PROB1: variants seen among roughly 807,000 people sequenced by gnomAD.
The protein encoded by PROB1 is proline rich basic protein 1.
For synonymous variants in PROB1, 660 were observed against 699.3 expected, an observed-to-expected ratio of 0.94 and a Z score of 0.89; for missense variants, 1,453 against 1,485.7, an observed-to-expected ratio of 0.98 and a Z score of 0.36.
rs1202763213 is a variant in PROB1, at chr5:139,394,813, C to T, written c.269G>A (p.Arg90Gln). Residue 90 changes from arginine to glutamine, a missense_variant, in exon 1 of 1, where the codon CGA becomes CAA. Transcript: ENST00000434752. ...QRHGPGSGFP[R>Q]GPGSGPRPPQ... ...TGGCCGTGGGCCGGAACCTGGGCCT[C>T]GCGGGAAACCCGAGCCGGGCCCGTG... 1 of 1,528,440 alleles carries T rather than the reference C, an allele frequency of 6.5e-7. No homozygotes were observed. Among genetic ancestry groups the T allele is most frequent in the South Asian group, 1.2e-5 (1 of 82,400 alleles). 94.7% of individuals were successfully genotyped at this position (1,528,440 alleles called of 1,614,324 possible). A position where few individuals can be genotyped will look rare whatever the true frequency, so the allele number is the denominator to read the frequency against.
chr5:139,394,277 C>T lies in PROB1; in HGVS notation c.805G>A (p.Ala269Thr), dbSNP rs1041236372. Residue 269 changes from alanine to threonine, a missense_variant, in exon 1 of 1, where the codon GCC becomes ACC. By Grantham distance (58) the Ala-to-Thr change is moderately conservative. Transcript: ENST00000434752. ...LSPEAPAPSS[A>T]TFGSTGRSEP... is the part of the protein sequence containing the mutation. ...GACCGCCCCGTGGACCCGAAGGTGG[C>T]GCTGCTCGGGGCCGGGGCCTCGGGG... 2.6e-6 allele frequency: 4 copies of T among 1,540,142 alleles called. No homozygotes were observed. In the African/African-American group the frequency reaches 5.5e-5, roughly 21 times the overall value.
At position 139,394,612 on chromosome 5, in the gene PROB1, T is replaced by G; in HGVS notation, c.470A>C (p.Gln157Pro). The G allele has an allele frequency of 6.5e-7, 1 of 1,533,096 alleles. No homozygotes were observed. Among genetic ancestry groups the G allele is most frequent in the African/African-American group, 1.4e-5 (1 of 72,118 alleles). The allele number at this position is 1,533,096 out of a possible 1,614,324, so 95.0% of individuals were successfully genotyped here. A position where few individuals can be genotyped will look rare whatever the true frequency, so the allele number is the denominator to read the frequency against. Residue 157 changes from glutamine (Q) to proline (P), a missense_variant, in exon 1 of 1, where the codon CAG (glutamine) becomes CCG (proline). Transcript: ENST00000434752. The part of the protein sequence containing the change: ...GPASPAAVPR[Q>P]SQVPDGGSRW... ...GGAGCCACCATCGGGGACCTGGGAC[T>G]GGCGTGGGACCGCGGCGGGAGACGC...
In PROB1 at chr5:139,392,136, C is replaced by T. The variant is rs1179109353; in HGVS notation, c.2946G>A (p.Pro982=). The change falls in exon 1 of 1, where the codon CCG becomes CCA. Residue 982 remains proline, a synonymous_variant. Coordinates refer to ENST00000434752, the MANE Select transcript of PROB1 (RefSeq NM_001161546.2). This position sits in a 1 kb window ranked among gnomAD's most constrained non-coding sequence, Gnocchi z 5.8. ...AGPLDGTYYL[P]VSGTPNPAPP... Reference sequence around the variant, plus strand: ...GTGCGGGGTTGGGGGTCCCGCTCACCGGCAGGTAGTAGGTCCCGTCCAGGG... The same window carrying T: ...GTGCGGGGTTGGGGGTCCCGCTCACTGGCAGGTAGTAGGTCCCGTCCAGGG... 1.4e-6 allele frequency: 2 copies of T among 1,408,280 alleles called. No individual in the cohort carries two copies. Among genetic ancestry groups the T allele is most frequent in the Non-Finnish European group, 1.9e-6 (2 of 1,076,436 alleles). 87.2% of individuals were successfully genotyped at this position (1,408,280 alleles called of 1,614,324 possible).
rs920068686 is a variant in PROB1 at position 139,391,806 on chromosome 5, G to A, written c.*228C>T. On this transcript the variant is annotated 3_prime_UTR_variant, in exon 1 of 1. Coordinates refer to ENST00000434752, the MANE Select transcript of PROB1 (RefSeq NM_001161546.2). This position sits in a 1 kb window ranked among gnomAD's most constrained non-coding sequence, Gnocchi z 4.8. ...CCACGCCCTGGGAATGCCTGGGAAA[G>A]GGATACATAATTTTGTTGGGGGAGG... 2 of 409,362 alleles carry A rather than the reference G, an allele frequency of 4.9e-6. No homozygotes were observed. Among genetic ancestry groups the A allele is most frequent in the Admixed American group, 4.3e-5 (1 of 23,122 alleles). The allele number at this position is 409,362 out of a possible 1,614,324, so 25.4% of individuals were successfully genotyped here.
At position 139,394,648 on chromosome 5, in the gene PROB1, G is replaced by A. The variant is rs1006776469; in HGVS notation, c.434C>T (p.Pro145Leu). Residue 145 changes from proline (P) to leucine (L), a missense_variant, in exon 1 of 1, where the codon CCG (proline) becomes CTG (leucine). Transcript: ENST00000434752. ...CGCGGCGGGAGACGCTGGCCCCGGCGGCAAGGGGCTGATGAAGGCCGGCTC... is the reference window on the plus strand; with the variant it reads ...CGCGGCGGGAGACGCTGGCCCCGGCAGCAAGGGGCTGATGAAGGCCGGCTC... ...FTEPAFISPL[P>L]PGPASPAAVP... is the part of the protein sequence containing the mutation. 5.9e-6 allele frequency: 9 copies of A among 1,534,828 alleles called. No homozygotes were observed. The East Asian group carries it at 2.0e-4, about 34-fold the overall frequency.
chr5:139,394,405 G>A lies in PROB1; in HGVS notation c.677C>T (p.Pro226Leu). The A allele has an allele frequency of 1.4e-6, 2 of 1,389,688 alleles. No individual in the cohort carries two copies. The highest frequency in any genetic ancestry group is 1.9e-6 in the Non-Finnish European group (2 of 1,080,140). The allele number at this position is 1,389,688 out of a possible 1,614,324, so 86.1% of individuals were successfully genotyped here. A position where few individuals can be genotyped will look rare whatever the true frequency, so the allele number is the denominator to read the frequency against. ...GGTGCGCAGGAGCAGCCGGGGGCGC[G>A]GCGCGCCGGCCGCCCTTGGGGGACT... ...PQSPPRAAGA[P>L]RPRLLLRTGS... is the part of the protein sequence containing the mutation. The change falls in exon 1 of 1, where the codon CCG becomes CTG. Residue 226 changes from proline (P) to leucine (L), a missense_variant. Transcript: ENST00000434752.
Position 139,394,090 on chromosome 5 carries a change from C to T in PROB1, c.992G>A (p.Gly331Glu). 1 of 1,550,654 alleles carries T rather than the reference C, an allele frequency of 6.4e-7. No homozygotes were observed. Among genetic ancestry groups the T allele is most frequent in the Non-Finnish European group, 8.7e-7 (1 of 1,146,736 alleles). The change falls in exon 1 of 1, where the codon GGG becomes GAG. Residue 331 changes from glycine to glutamate, a missense_variant. By Grantham distance (98) the Gly-to-Glu change is moderately conservative. Coordinates refer to ENST00000434752, the MANE Select transcript of PROB1 (RefSeq NM_001161546.2). ...RAIRRDKPAPGTEPLGPVSSS... is the reference protein window; with the variant it reads ...RAIRRDKPAPETEPLGPVSSS... ...ACTAACAGGACCCAGCGGCTCCGTC[C>T]CGGGCGCAGGCTTGTCGCGCCGAAT...
Position 139,391,737 on chromosome 5 carries a change from TG to T in PROB1, c.*296del. 3.2e-6 allele frequency: 1 copy of T among 313,712 alleles called. No homozygotes were observed. Among genetic ancestry groups the T allele is most frequent in the East Asian group, 4.9e-5 (1 of 20,336 alleles). The allele number at this position is 313,712 out of a possible 1,614,324, so 19.4% of individuals were successfully genotyped here. On this transcript the variant is annotated 3_prime_UTR_variant, in exon 1 of 1. Coordinates refer to ENST00000434752, the MANE Select transcript of PROB1 (RefSeq NM_001161546.2). This position sits in a 1 kb window ranked among gnomAD's most constrained non-coding sequence, Gnocchi z 4.8. ...GGATGCCTCACTTTCCCTATTTGCT[TG>T]CCCGCATATACACATATACACACAC...
At position 139,391,702 on chromosome 5, in the gene PROB1, A is replaced by C; in HGVS notation, c.*332T>G. 4.5e-6 allele frequency: 1 copy of C among 223,912 alleles called. No homozygotes were observed. 13.9% of individuals were successfully genotyped at this position (223,912 alleles called of 1,614,324 possible). A position where few individuals can be genotyped will look rare whatever the true frequency, so the allele number is the denominator to read the frequency against. On this transcript the variant is annotated 3_prime_UTR_variant, in exon 1 of 1. Transcript: ENST00000434752. This position sits in a 1 kb window ranked among gnomAD's most constrained non-coding sequence, Gnocchi z 4.8. ...CACCTCCTCTGATCGGCTCCTGGGG[A>C]CAAGCCCAGGGATGCCTCACTTTCC...
At position 139,393,884 on chromosome 5, in the gene PROB1, G is replaced by T; in HGVS notation, c.1198C>A (p.Pro400Thr). The T allele has an allele frequency of 6.4e-7, 1 of 1,551,242 alleles. No individual in the cohort carries two copies. Among genetic ancestry groups the T allele is most frequent in the Non-Finnish European group, 8.7e-7 (1 of 1,146,986 alleles). Residue 400 changes from proline (P) to threonine (T), a missense_variant, in exon 1 of 1, where the codon CCA becomes ACA. Transcript: ENST00000434752. ...CGAGGACCCCGTACAGCCCCATTTG[G>T]AGTCTGCCGTGGCGGGGACGGGCTC... is the stretch of plus-strand genomic sequence containing the variant. Reference protein sequence around the residue: ...PRSPSPPRQTPNGAVRGPRCP... With the variant: ...PRSPSPPRQTTNGAVRGPRCP...
rs1758643977 is a variant in PROB1 at position 139,393,913 on chromosome 5, G to A, written c.1169C>T (p.Pro390Leu). 1 of 1,551,040 alleles carries A rather than the reference G, an allele frequency of 6.4e-7. No individual in the cohort carries two copies. Reference sequence around the variant, plus strand: ...CTGCCGTGGCGGGGACGGGCTCCTTGGCCTCACAGCCCTACTCGGAACCTC... The same window carrying A: ...CTGCCGTGGCGGGGACGGGCTCCTTAGCCTCACAGCCCTACTCGGAACCTC... ...PSEVPSRAVRPRSPSPPRQTP... is the reference protein window; with the variant it reads ...PSEVPSRAVRLRSPSPPRQTP... The change falls in exon 1 of 1, where the codon CCA becomes CTA. Residue 390 changes from proline (P) to leucine (L), a missense_variant. By Grantham distance (98) the Pro-to-Leu change is moderately conservative. Coordinates refer to ENST00000434752, the MANE Select transcript of PROB1 (RefSeq NM_001161546.2).
Position 139,393,971 on chromosome 5 carries a change from G to C in PROB1, c.1111C>G (p.Arg371Gly), listed in dbSNP as rs777761279. 2 of 1,550,596 alleles carry C rather than the reference G, an allele frequency of 1.3e-6. No individual in the cohort carries two copies. Among genetic ancestry groups the C allele is most frequent in the Non-Finnish European group, 1.7e-6 (2 of 1,146,986 alleles). Residue 371 changes from arginine to glycine, a missense_variant, in exon 1 of 1, where the codon CGG becomes GGG. By Grantham distance (125) the Arg-to-Gly change is moderately radical. Coordinates refer to ENST00000434752, the MANE Select transcript of PROB1 (RefSeq NM_001161546.2). ...ATCCTACACTCAAAAGGCGGACTCC[G>C]TGCCCTCTGAACAGTTCGATCCGGC... ...EAPDRTVQRA[R>G]SPPFECRIPS...
chr5:139,394,398 G>A lies in PROB1; in HGVS notation c.684C>T (p.Pro228=). The A allele has an allele frequency of 7.2e-7, 1 of 1,391,136 alleles. No homozygotes were observed. Among genetic ancestry groups the A allele is most frequent in the Non-Finnish European group, 9.3e-7 (1 of 1,080,944 alleles). The allele number at this position is 1,391,136 out of a possible 1,614,324, so 86.2% of individuals were successfully genotyped here. Residue 228 remains proline (P), a synonymous_variant, in exon 1 of 1, where the codon CCC becomes CCT. Coordinates refer to ENST00000434752, the MANE Select transcript of PROB1 (RefSeq NM_001161546.2). The stretch of plus-strand genomic sequence containing the variant: ...GGGAACCGGTGCGCAGGAGCAGCCG[G>A]GGGCGCGGCGCGCCGGCCGCCCTTG... ...SPPRAAGAPR[P]RLLLRTGSLD... is the part of the protein sequence containing the mutation.
At position 139,392,511 on chromosome 5, in the gene PROB1, A is replaced by T; in HGVS notation, c.2571T>A (p.Pro857=). 1 of 1,342,498 alleles carries T rather than the reference A, an allele frequency of 7.4e-7. No individual in the cohort carries two copies. The highest frequency in any genetic ancestry group is 9.5e-7 in the Non-Finnish European group (1 of 1,051,620). 83.2% of individuals were successfully genotyped at this position (1,342,498 alleles called of 1,614,324 possible). A position where few individuals can be genotyped will look rare whatever the true frequency, so the allele number is the denominator to read the frequency against. ...APAQPRAASA[P]PTDRSPQSPS... ...GGCTTTGCGGGGACCGGTCCGTGGG[A>T]GGCGCCGAGGCAGCGCGGGGCTGGG... Residue 857 remains proline, a synonymous_variant, in exon 1 of 1, where the codon CCT becomes CCA. Transcript: ENST00000434752. This position sits in a 1 kb window ranked among gnomAD's most constrained non-coding sequence, Gnocchi z 5.8.
chr5:139,392,616 A>G lies in PROB1; in HGVS notation c.2466T>C (p.Pro822=). Residue 822 remains proline, a synonymous_variant, in exon 1 of 1, where the codon CCT becomes CCC. Transcript: ENST00000434752. This position sits in a 1 kb window ranked among gnomAD's most constrained non-coding sequence, Gnocchi z 5.8. ...CGGCAGCCGCGGGCTCGGGGGCCGT[A>G]GGTGGTGTCTTCGGTTTGGGTGCTA... ...PGIAPKPKTP[P]TAPEPAAAVQ... is the part of the protein sequence containing the mutation. The G allele has an allele frequency of 7.3e-7, 1 of 1,376,120 alleles. No homozygotes were observed. Among genetic ancestry groups the G allele is most frequent in the Non-Finnish European group, 9.4e-7 (1 of 1,067,804 alleles). The allele number at this position is 1,376,120 out of a possible 1,614,324, so 85.2% of individuals were successfully genotyped here.
Position 139,393,677 on chromosome 5 carries a change from T to C in PROB1, c.1405A>G (p.Arg469Gly), listed in dbSNP as rs564207530. 7 of 1,551,048 alleles carry C rather than the reference T, an allele frequency of 4.5e-6. No homozygotes were observed. In the African/African-American group the frequency reaches 9.6e-5, roughly 21 times the overall value. The change falls in exon 1 of 1, where the codon AGG (arginine) becomes GGG (glycine). Residue 469 changes from arginine to glycine, a missense_variant. By Grantham distance (125) the Arg-to-Gly change is moderately radical (BLOSUM62 -2). Transcript: ENST00000434752. The stretch of plus-strand genomic sequence containing the variant: ...GAAGGGGCTTCGAGGGACGGGCTCC[T>C]TTCCCCAGCAACACACTGATTCCAC... ...SQWNQCVAGE[R>G]SPSLEAPSLW...
Position 139,393,673 on chromosome 5 carries a change from C to A in PROB1, c.1409G>T (p.Ser470Ile), listed in dbSNP as rs1270515040. The change falls in exon 1 of 1, where the codon AGC (serine) becomes ATC (isoleucine). Residue 470 changes from serine (S) to isoleucine (I), a missense_variant. Transcript: ENST00000434752. ...CAGGGAAGGGGCTTCGAGGGACGGG[C>A]TCCTTTCCCCAGCAACACACTGATT... ...QWNQCVAGERSPSLEAPSLWE... is the reference protein window; with the variant it reads ...QWNQCVAGERIPSLEAPSLWE... 6.4e-7 allele frequency: 1 copy of A among 1,550,856 alleles called. No individual in the cohort carries two copies. The highest frequency in any genetic ancestry group is 1.4e-5 in the African/African-American group (1 of 73,108).
In PROB1 at chr5:139,394,107, G is replaced by T; in HGVS notation, c.975C>A (p.Arg325=). ...GCTCCGTCCCGGGCGCAGGCTTGTC[G>T]CGCCGAATCGCGCGCTCGCGGAGGC... The part of the protein sequence containing the change: ...WPSLRERAIR[R]DKPAPGTEPL... Residue 325 remains arginine (R), a synonymous_variant, in exon 1 of 1, where the codon CGC becomes CGA. Transcript: ENST00000434752. 2.6e-6 allele frequency: 4 copies of T among 1,548,336 alleles called. No homozygotes were observed. The highest frequency in any genetic ancestry group is 2.4e-5 in the East Asian group (1 of 40,822).
In PROB1 at chr5:139,393,950, T is replaced by A. The variant is rs749851108; in HGVS notation, c.1132A>T (p.Arg378Trp). 47 of 1,550,658 alleles carry A rather than the reference T, an allele frequency of 3.0e-5. No homozygotes were observed. The highest frequency in any genetic ancestry group is 3.9e-5 in the Non-Finnish European group (45 of 1,146,988). ...CTACTCGGAACCTCCGAGGGGATCC[T>A]ACACTCAAAAGGCGGACTCCGTGCC... Reference protein sequence around the residue: ...QRARSPPFECRIPSEVPSRAV... With the variant: ...QRARSPPFECWIPSEVPSRAV... The change falls in exon 1 of 1, where the codon AGG becomes TGG. Residue 378 changes from arginine (R) to tryptophan (W), a missense_variant. Transcript: ENST00000434752.
Sources: allele counts gnomAD v4.1 joint callset, GRCh38; gene constraint gnomAD v4.1.1; non-coding constraint Gnocchi (gnomAD v3.1); transcripts MANE v1.5; gene names NCBI Gene and HGNC (gene_info 2026-07-23, HGNC 2026-07-21).